NALCN: variants seen among roughly 807,000 people sequenced by gnomAD.
NALCN encodes the protein sodium leak channel NALCN.
A neutral mutation model predicts 225.3 loss-of-function variants in NALCN; 111 were observed. The observed-to-expected ratio is 0.49, with a 90% confidence interval of 0.42 to 0.58. The LOEUF is 0.58. Among genes scored for constraint, NALCN ranks in the 20% least tolerant of loss-of-function variants. NALCN has a pLI of 0.00. For synonymous variants in NALCN, 764 were observed against 769.0 expected, an observed-to-expected ratio of 0.99 and a Z score of 0.11; for missense variants, 1,378 against 2,202.4, an observed-to-expected ratio of 0.63 and a Z score of 7.49.
At chr13:101,098,120 C>T (rs1327124488) in intron 27 of NALCN, among the ~76,000 whole-genome samples, 2 of 152,102 alleles carry the variant, frequency 1.3e-5, no homozygotes, top group Non-Finnish European at 2.9e-5. Flanking sequence ...TCCTTCTTCA[C>T]TGCTTGCTCT....
intron 3 of NALCN, among the ~76,000 whole-genome samples, chr13:101,380,832 A>C (rs761569896): frequency 6.7e-6 from 1 of 150,238 alleles, no homozygotes; most frequent in Non-Finnish European, 1.5e-5. Context: ...CCTGTTTTAC[A>C]TTAGAGGATA....
intron 7 of NALCN, among the ~76,000 whole-genome samples, chr13:101,323,784 C>T: frequency 6.6e-6 from 1 of 152,132 alleles, no homozygotes. Context: ...GTCACATGTA[C>T]TAACATGTAA....
At chr13:101,167,608 A>C (rs1195794774) in intron 15 of NALCN, among the ~76,000 whole-genome samples, 6 of 151,904 alleles carry the variant, frequency 3.9e-5, no homozygotes, top group Non-Finnish European at 7.4e-5. Flanking sequence ...AGGCTGAGGC[A>C]GGTGAGTCAC....
Position 101,089,652 on chromosome 13 carries a change from A to G in NALCN, c.3489+11T>C, listed in dbSNP as rs1171496808. 6.2e-7 allele frequency: 1 copy of G among 1,612,882 alleles called. No individual in the cohort carries two copies. Among genetic ancestry groups the G allele is most frequent in the Non-Finnish European group, 8.5e-7 (1 of 1,179,742 alleles). ...GCTAAACCCTGTGGTATCCAAACCA[A>G]AAATCCTTACCTTGTTTTCATTGAA... On this transcript the variant is annotated intron_variant, in intron 30 of 43. Coordinates refer to ENST00000251127, the MANE Select transcript of NALCN (RefSeq NM_052867.4). This position sits in a 1 kb window ranked among gnomAD's most constrained non-coding sequence, Gnocchi z 4.7.
chr13:101,240,991 A>G (rs912493462), intron 11 of NALCN, among the ~76,000 whole-genome samples: 7 of 152,226 alleles, frequency 4.6e-5, no homozygotes, highest in Admixed American at 1.3e-4. Flanking sequence ...GGTTTTGGCT[A>G]AGATTATGCT....
chr13:101,119,155 A>T (rs1047542094), intron 18 of NALCN, among the ~76,000 whole-genome samples: 10 of 152,218 alleles, frequency 6.6e-5, no homozygotes, highest in Non-Finnish European at 1.3e-4. Context: ...AAAAAAATCC[A>T]GCTAATGTCA....
At chr13:101,132,692 A>G (rs1348770887) in intron 17 of NALCN, among the ~76,000 whole-genome samples, 1 of 152,112 alleles carries the variant, frequency 6.6e-6, no homozygotes, top group Non-Finnish European at 1.5e-5. Flanking sequence ...TCAGATAATA[A>G]ATTGCAAAAT....
At chr13:101,396,992 G>T (rs935279944) in intron 2 of NALCN, among the ~76,000 whole-genome samples, 1 of 148,238 alleles carries the variant, frequency 6.7e-6, no homozygotes, top group Non-Finnish European at 1.5e-5. Flanking sequence ...GCTGGGAATG[G>T]AGAACAAAAT....
rs147465910 is a variant in NALCN at position 101,398,728 on chromosome 13, T to C, written c.108+291A>G. 2.3e-3 allele frequency among the ~76,000 whole-genome samples: 353 copies of C among 152,250 alleles called. 1 individual carries two copies. The highest frequency in any genetic ancestry group is 3.6e-3 in the Non-Finnish European group (242 of 68,020). On this transcript the variant is annotated intron_variant, in intron 2 of 43. Coordinates refer to ENST00000251127, the MANE Select transcript of NALCN (RefSeq NM_052867.4). ...GGTTGCTCATCTTGGACCCCAGCTT[T>C]GGATCAGCCTAAGAAGTGGTATCAT...
rs149397151 is a variant in NALCN, at chr13:101,062,234, G to A, written c.4605-116C>T. 6.4e-4 allele frequency: 690 copies of A among 1,080,164 alleles called. 4 individuals are homozygous for A. In the African/African-American group the frequency reaches 9.5e-3, roughly 15 times the overall value. 66.9% of individuals were successfully genotyped at this position (1,080,164 alleles called of 1,614,324 possible). A position where few individuals can be genotyped will look rare whatever the true frequency, so the allele number is the denominator to read the frequency against. On this transcript the variant is annotated intron_variant, in intron 40 of 43. Transcript: ENST00000251127. ...AGTCTAATAAGTCTAGTGTTTTGAC[G>A]CCACCCCTCGCCACCCGCATGTCTT...
At chr13:101,223,446 A>T (rs990629369) in intron 13 of NALCN, among the ~76,000 whole-genome samples, 6 of 152,116 alleles carry the variant, frequency 3.9e-5, no homozygotes, top group Non-Finnish European at 8.8e-5. Context: ...ACAACCAACA[A>T]ACGAGCCTCT....
chr13:101,285,722 A>G (rs996266787), intron 9 of NALCN, among the ~76,000 whole-genome samples: 3 of 147,796 alleles, frequency 2.0e-5, no homozygotes, highest in African/African-American at 7.4e-5. Context: ...TGAATCAAGC[A>G]TATTCTTCCT....
intron 7 of NALCN, among the ~76,000 whole-genome samples, chr13:101,305,400 A>G (rs2044122227): frequency 6.6e-6 from 1 of 152,254 alleles, no homozygotes; most frequent in Non-Finnish European, 1.5e-5. Flanking sequence ...TAAAATATCC[A>G]GCACAAATCA....
At chr13:101,321,344 T>TA (rs997462778) in intron 7 of NALCN, among the ~76,000 whole-genome samples, 1 of 151,834 alleles carries the variant, frequency 6.6e-6, no homozygotes, top group Non-Finnish European at 1.5e-5. Context: ...AATAAACATA[T>TA]AAAAAAATGC....
At chr13:101,259,511 T>A (rs991287441) in intron 10 of NALCN, among the ~76,000 whole-genome samples, 44 of 151,406 alleles carry the variant, frequency 2.9e-4, no homozygotes, top group African/African-American at 1.0e-3. Context: ...TTTTTTTGTA[T>A]TTTTAGTAGA....
rs2043143507 is a variant in NALCN, at chr13:101,280,850, C to T, written c.1134+3083G>A. On this transcript the variant is annotated intron_variant, in intron 10 of 43. Transcript: ENST00000251127. ...TCACAGGGTTGTAGTAAACCTCATCCTTAGTCATTCTTTTCCTCATTCTCT... is the reference window on the plus strand; with the variant it reads ...TCACAGGGTTGTAGTAAACCTCATCTTTAGTCATTCTTTTCCTCATTCTCT... Among the ~76,000 whole-genome samples, 3 of 150,178 alleles carry T rather than the reference C, an allele frequency of 2.0e-5. No individual in the cohort carries two copies. The Admixed American group carries it at 2.0e-4, about 10-fold the overall frequency.
chr13:101,406,151 CA>C (rs11400384), intron 1 of NALCN, among the ~76,000 whole-genome samples: 6,079 of 114,480 alleles, frequency 0.053, 319 homozygotes, highest in African/African-American at 0.15. Flanking sequence ...CCCATCTCTA[CA>C]AAAAAAAAAA....
At chr13:101,404,822 A>G (rs964527267) in intron 1 of NALCN, among the ~76,000 whole-genome samples, 2 of 152,190 alleles carry the variant, frequency 1.3e-5, no homozygotes, top group African/African-American at 4.8e-5. Context: ...ACCTTCAAAC[A>G]TCTGTGCCCC....
At chr13:101,111,049 A>G in intron 19 of NALCN, 76 bp downstream of exon 19, 1 of 1,439,454 alleles carries the variant, frequency 6.9e-7, no homozygotes, top group Non-Finnish European at 9.6e-7. Flanking sequence ...GACAGCCGTG[A>G]CTGTGTACAG....
Sources: allele counts gnomAD v4.1 joint callset (sites outside exome capture counted in the v4.1 genomes callset), GRCh38; gene constraint gnomAD v4.1.1; non-coding constraint Gnocchi (gnomAD v3.1); transcripts MANE v1.5; gene names NCBI Gene and HGNC (gene_info 2026-07-23, HGNC 2026-07-21).